The following MACROD2 variants were observed in gnomAD, a reference collection of about 807,000 sequenced individuals.
The protein encoded by MACROD2 is mono-ADP ribosylhydrolase 2, also known as ADP-ribose glycohydrolase MACROD2.
A neutral mutation model predicts 70.4 loss-of-function variants in MACROD2; 36 were observed. The observed-to-expected ratio is 0.51, with a 90% confidence interval of 0.39 to 0.68. The LOEUF is 0.68. Among genes scored for constraint, MACROD2 ranks in the 30% least tolerant of loss-of-function variants. The pLI is 0.00. For synonymous variants in MACROD2, 172 were observed against 178.8 expected, an observed-to-expected ratio of 0.96 and a Z score of 0.30; for missense variants, 496 against 538.4, an observed-to-expected ratio of 0.92 and a Z score of 0.78.
chr20:15,788,099 T>A (rs2051961687), intron 8 of MACROD2, among the ~76,000 whole-genome samples: 1 of 152,204 alleles, frequency 6.6e-6, no homozygotes, highest in South Asian at 2.1e-4. Flanking sequence ...AGTTAGTTGC[T>A]TTGACTGGAT....
intron 4 of MACROD2, among the ~76,000 whole-genome samples, chr20:14,588,288 G>A (rs1165276823): frequency 1.3e-5 from 2 of 151,934 alleles, no homozygotes; most frequent in South Asian, 4.1e-4. Context: ...TAAATTTTCA[G>A]AATTACTGGC....
chr20:14,083,665 C>T (rs1367967101), intron 2 of MACROD2, among the ~76,000 whole-genome samples: 1 of 152,082 alleles, frequency 6.6e-6, no homozygotes, highest in African/African-American at 2.4e-5. Flanking sequence ...GAGGTCAACT[C>T]AAGTGTAAGT....
intron 5 of MACROD2, among the ~76,000 whole-genome samples, chr20:15,138,974 G>A (rs2123300310): frequency 6.6e-6 from 1 of 152,280 alleles, no homozygotes; most frequent in Non-Finnish European, 1.5e-5. Flanking sequence ...TCTAATCATA[G>A]AAGGAGTTGG....
At chr20:14,720,551 T>C (rs2071453774) in intron 5 of MACROD2, among the ~76,000 whole-genome samples, 2 of 109,164 alleles carry the variant, frequency 1.8e-5, no homozygotes, top group Admixed American at 9.4e-5. Context: ...TTTTTTTTTT[T>C]TTTTTTTTTT....
chr20:14,457,245 T>C (rs944117815), intron 3 of MACROD2, among the ~76,000 whole-genome samples: 5 of 152,102 alleles, frequency 3.3e-5, no homozygotes, highest in African/African-American at 1.2e-4. Context: ...TGAACTATTT[T>C]CTAGTTTTTA....
chr20:14,283,030 A>G (rs1006715864), intron 3 of MACROD2, among the ~76,000 whole-genome samples: 1 of 152,152 alleles, frequency 6.6e-6, no homozygotes, highest in African/African-American at 2.4e-5. Context: ...GTCAGCCCAT[A>G]TTTGAGGACA....
At chr20:14,464,033 A>G (rs2084406782) in intron 3 of MACROD2, among the ~76,000 whole-genome samples, 2 of 151,978 alleles carry the variant, frequency 1.3e-5, no homozygotes, top group Non-Finnish European at 2.9e-5. Context: ...TGGTATCAGG[A>G]TGATGCTGGC....
At chr20:15,683,928 T>G (rs1294259861) in intron 8 of MACROD2, among the ~76,000 whole-genome samples, 2 of 152,184 alleles carry the variant, frequency 1.3e-5, no homozygotes, top group Non-Finnish European at 2.9e-5. Flanking sequence ...AATGAAAATA[T>G]TAATTTTGTT....
chr20:14,803,972 T>C (rs1243066929), intron 5 of MACROD2, among the ~76,000 whole-genome samples: 1 of 152,090 alleles, frequency 6.6e-6, no homozygotes, highest in Non-Finnish European at 1.5e-5. Context: ...TTTATAAACA[T>C]TTATAATTTT....
intron 5 of MACROD2, among the ~76,000 whole-genome samples, chr20:14,903,023 TC>T (rs1295253793): frequency 6.8e-6 from 1 of 147,420 alleles, no homozygotes; most frequent in African/African-American, 2.5e-5. Context: ...TCTAAAGGTT[TC>T]TTTTTTTTCT....
chr20:15,057,473 C>A (rs373330995), intron 5 of MACROD2, among the ~76,000 whole-genome samples: 14 of 152,280 alleles, frequency 9.2e-5, no homozygotes, highest in African/African-American at 3.4e-4. Context: ...AATGAGCAGG[C>A]CAAGCTGCAT....
intron 6 of MACROD2, among the ~76,000 whole-genome samples, chr20:15,317,707 G>A (rs905180373): frequency 6.6e-6 from 1 of 151,758 alleles, no homozygotes; most frequent in South Asian, 2.1e-4. Context: ...TGAGTCTAAA[G>A]GCAGAAAAAT....
rs375295335 is a variant in MACROD2, at chr20:14,671,566, G to A, written c.302-13277G>A. 1.2e-4 allele frequency among the ~76,000 whole-genome samples: 19 copies of A among 152,196 alleles called. No homozygotes were observed. In the South Asian group the frequency reaches 3.3e-3, roughly 27 times the overall value. On this transcript the variant is annotated intron_variant, in intron 4 of 17. Transcript: ENST00000684519. Reference sequence around the variant, plus strand: ...TTGGTTTTTAAAGATCAGTCCCTACGTTTTTGGATTTGAGATGAAGAATGC... The same window carrying A: ...TTGGTTTTTAAAGATCAGTCCCTACATTTTTGGATTTGAGATGAAGAATGC...
At chr20:14,953,451 C>T (rs1034271720) in intron 5 of MACROD2, among the ~76,000 whole-genome samples, 9 of 152,154 alleles carry the variant, frequency 5.9e-5, no homozygotes, top group Admixed American at 3.9e-4. Flanking sequence ...GGACTACAGG[C>T]GCCTGCCACC....
chr20:14,861,988 T>TAC (rs1428058610), intron 5 of MACROD2, among the ~76,000 whole-genome samples: 1 of 66,116 alleles, frequency 1.5e-5, no homozygotes, highest in Admixed American at 2.8e-4. Context: ...TATATATATA[T>TAC]ATATTTATAT....
chr20:14,958,776 CAG>C (rs1228428819), intron 5 of MACROD2, among the ~76,000 whole-genome samples: 4 of 152,124 alleles, frequency 2.6e-5, no homozygotes, highest in Non-Finnish European at 5.9e-5. Flanking sequence ...AAGCATGCAT[CAG>C]AGTCACCTAT....
rs1165737410 is a variant in MACROD2, at chr20:14,190,673, CATATAT to C, written c.271+104966_271+104971del. ...CTGAGGAAAAGAAAAGTATTCATTC[CATATAT>C]ATATATATATATATATATATTTTTT... On this transcript the variant is annotated intron_variant, in intron 3 of 17. Transcript: ENST00000684519. Among the ~76,000 whole-genome samples, 106 of 39,132 alleles carry C rather than the reference CATATAT, an allele frequency of 2.7e-3. 1 individual carries two copies. Among genetic ancestry groups the C allele is most frequent in the African/African-American group, 0.01 (79 of 7,762 alleles). 25.7% of individuals were successfully genotyped at this position (39,132 alleles called of 152,430 possible). A position where few individuals can be genotyped will look rare whatever the true frequency, so the allele number is the denominator to read the frequency against.
At chr20:14,637,643 A>G (rs1984854209) in intron 4 of MACROD2, among the ~76,000 whole-genome samples, 2 of 152,172 alleles carry the variant, frequency 1.3e-5, no homozygotes, top group Admixed American at 6.5e-5. Context: ...ATTGTACTAC[A>G]GCAATAATCT....
chr20:14,962,512 TC>T (rs1357412510), intron 5 of MACROD2, among the ~76,000 whole-genome samples: 11 of 140,066 alleles, frequency 7.9e-5, no homozygotes, highest in African/African-American at 3.3e-4. Context: ...AGAATTTTGC[TC>T]TCTCTCTCTC....
Sources: gnomAD v4.1 joint callset for allele counts (sites outside exome capture counted in the v4.1 genomes callset) on GRCh38, gnomAD v4.1.1 for gene constraint, MANE v1.5 for transcripts, NCBI Gene and HGNC (gene_info 2026-07-23, HGNC 2026-07-21) for gene names.